LRP1B: variants seen among roughly 807,000 people sequenced by gnomAD.
The protein encoded by LRP1B is low-density lipoprotein receptor-related protein 1B.
A neutral mutation model predicts 556.6 loss-of-function variants in LRP1B; 217 were observed. The ratio of observed to expected loss-of-function variants is 0.39; its 90% CI spans 0.35 to 0.44. The LOEUF is 0.44. Among genes scored for constraint, LRP1B ranks in the 20% least tolerant of loss-of-function variants. The probability of loss-of-function intolerance (pLI) is 1.00; values close to 1 mark genes in which losing one functional copy is unlikely to be tolerated. For missense variants in LRP1B, 5,053 were observed against 5,620.8 expected (o/e 0.90, Z 3.23); for synonymous variants, 2,047 against 1,865.8 (o/e 1.10, Z -2.50).
intron 3 of LRP1B, among the ~76,000 whole-genome samples, chr2:141,463,631 AT>A (rs1462696076): frequency 0.035 from 3,975 of 112,718 alleles, 355 homozygotes; most frequent in African/African-American, 0.12. Context: ...ATTATATATT[AT>A]TATATATTAT....
chr2:140,851,782 A>T lies in LRP1B; in HGVS notation c.4581T>A (p.Ala1527=), dbSNP rs1692466034. 6.3e-7 allele frequency: 1 copy of T among 1,598,458 alleles called. No homozygotes were observed. Among genetic ancestry groups the T allele is most frequent in the Non-Finnish European group, 8.5e-7 (1 of 1,175,796 alleles). Reference sequence around the variant, plus strand: ...CATCATTAGCTGCACAAGGATTGGGAGCTGTAATTACACAGTGAAATATGA... The same window carrying T: ...CATCATTAGCTGCACAAGGATTGGGTGCTGTAATTACACAGTGAAATATGA... The part of the protein sequence containing the change: ...QIYHPSRQPQ[A]PNPCAANDGK... The change falls in exon 28 of 91, where the codon GCT becomes GCA. Residue 1527 remains alanine, a splice_region_variant and synonymous_variant. Coordinates refer to ENST00000389484, the MANE Select transcript of LRP1B (RefSeq NM_018557.3).
intron 3 of LRP1B, among the ~76,000 whole-genome samples, chr2:141,292,243 C>T (rs1686001322): frequency 6.6e-6 from 1 of 152,136 alleles, no homozygotes; most frequent in Admixed American, 6.5e-5. Context: ...TCCCCCATCC[C>T]GGTCTGTGGA....
At position 140,324,007 on chromosome 2, in the gene LRP1B, T is replaced by A. The variant is rs1194647193; in HGVS notation, c.12400A>T (p.Lys4134Ter). The A allele has an allele frequency of 6.2e-7, 1 of 1,610,250 alleles. No individual in the cohort carries two copies. The highest frequency in any genetic ancestry group is 8.5e-7 in the Non-Finnish European group (1 of 1,176,968). The change falls in exon 81 of 91, where the codon AAA becomes TAA. Residue 4134 changes from lysine (K) to a stop codon, truncating the protein, a stop_gained. Coordinates refer to ENST00000389484, the MANE Select transcript of LRP1B (RefSeq NM_018557.3). LOFTEE classifies it high-confidence loss of function. ...TTTTGAACTCGAAATACACCATTTTTAGGTCCTGCTCCATATATATAATCT... is the reference window on the plus strand; with the variant it reads ...TTTTGAACTCGAAATACACCATTTTAAGGTCCTGCTCCATATATATAATCT... ...FEDYIYGAGPKNGVFRVQKFG... is the reference protein window; with the variant it reads ...FEDYIYGAGP
chr2:141,083,760 A>G (rs1052914706), intron 7 of LRP1B, among the ~76,000 whole-genome samples: 1 of 152,074 alleles, frequency 6.6e-6, no homozygotes, highest in Non-Finnish European at 1.5e-5. Flanking sequence ...CAGCCCCCTT[A>G]CCATCTGATG....
chr2:141,582,569 T>C (rs985501297), intron 2 of LRP1B, among the ~76,000 whole-genome samples: 2 of 152,074 alleles, frequency 1.3e-5, no homozygotes, highest in Non-Finnish European at 2.9e-5. Context: ...TAGTTATATT[T>C]GTGTGGCTCT....
chr2:140,374,296 G>C (rs952421554), intron 68 of LRP1B, among the ~76,000 whole-genome samples: 1 of 152,116 alleles, frequency 6.6e-6, no homozygotes, highest in Admixed American at 6.6e-5. Context: ...TCCACAAAAA[G>C]TGTAACAATC....
chr2:141,163,975 G>A (rs1680144685), intron 7 of LRP1B, among the ~76,000 whole-genome samples: 1 of 151,880 alleles, frequency 6.6e-6, no homozygotes. Flanking sequence ...CTATTTCTGT[G>A]GGTAAATTAC....
rs754039987 is a variant in LRP1B, at chr2:141,164,242, A to AT, written c.1013+24178dup. Among the ~76,000 whole-genome samples, 252 of 151,576 alleles carry AT rather than the reference A, an allele frequency of 1.7e-3. 4 individuals are homozygous for AT. The highest frequency in any genetic ancestry group is 3.3e-3 in the East Asian group (17 of 5,134). The stretch of plus-strand genomic sequence containing the variant: ...CCGTAAGAACTAAGCGTTCTGTGGA[A>AT]TTTTTTTTTCTTAATTAGTGTCAGG... On this transcript the variant is annotated intron_variant, in intron 7 of 90. Transcript: ENST00000389484.
At chr2:141,897,507 A>T (rs1699488559) in intron 1 of LRP1B, among the ~76,000 whole-genome samples, 1 of 152,118 alleles carries the variant, frequency 6.6e-6, no homozygotes, top group Non-Finnish European at 1.5e-5. Context: ...ATATGAGTCT[A>T]AATGGAGGTA....
At chr2:141,116,311 TTGTAAC>T (rs1258595618) in intron 7 of LRP1B, among the ~76,000 whole-genome samples, 5 of 152,202 alleles carry the variant, frequency 3.3e-5, no homozygotes, top group African/African-American at 9.6e-5. Flanking sequence ...GAATTAAAAT[TTGTAAC>T]TGTATGTTCA....
intron 25 of LRP1B, among the ~76,000 whole-genome samples, chr2:140,871,233 T>C (rs1343402732): frequency 1.3e-5 from 2 of 152,164 alleles, no homozygotes; most frequent in South Asian, 2.1e-4. Context: ...AAAACTATTA[T>C]AGTACACATT....
chr2:140,935,598 C>T (rs558801552), intron 20 of LRP1B, among the ~76,000 whole-genome samples: 6 of 151,884 alleles, frequency 4.0e-5, no homozygotes, highest in South Asian at 4.2e-4. Context: ...AGGAAGGGAG[C>T]GAGAATATCT....
Position 140,867,775 on chromosome 2 carries a change from C to A in LRP1B, c.4394G>T (p.Gly1465Val), listed in dbSNP as rs2105154157. Reference protein sequence around the residue: ...DGTNMIEIIRGHEYLSHPFAV... With the variant: ...DGTNMIEIIRVHEYLSHPFAV... ...AAAGGGATGGGAAAGGTATTCATGA[C>A]CTCGGATGATTTCTATCATGTTTGT... is the stretch of plus-strand genomic sequence containing the variant. The change falls in exon 27 of 91, where the codon GGT becomes GTT. Residue 1465 changes from glycine (G) to valine (V), a missense_variant. Physicochemically the swap from Gly to Val is moderately radical, Grantham distance 109 (BLOSUM62 -3). This residue lies in a region of LRP1B where 3,619 missense variants were observed against 3,931.9 expected (regional missense o/e 0.92). Transcript: ENST00000389484. 6 of 1,606,708 alleles carry A rather than the reference C, an allele frequency of 3.7e-6. No individual in the cohort carries two copies. Among genetic ancestry groups the A allele is most frequent in the African/African-American group, 1.3e-5 (1 of 74,642 alleles).
chr2:141,622,483 G>A (rs1216792978), intron 2 of LRP1B, among the ~76,000 whole-genome samples: 2 of 152,042 alleles, frequency 1.3e-5, no homozygotes, highest in Non-Finnish European at 2.9e-5. Flanking sequence ...AGGTAGTATG[G>A]GTTTCTGCTA....
chr2:140,655,281 T>C (rs1684839114), intron 41 of LRP1B, among the ~76,000 whole-genome samples: 1 of 147,884 alleles, frequency 6.8e-6, no homozygotes, highest in Non-Finnish European at 1.5e-5. Context: ...ATTCTACATT[T>C]ATTAACCTTG....
intron 32 of LRP1B, among the ~76,000 whole-genome samples, chr2:140,786,866 T>C (rs540590610): frequency 1.3e-5 from 2 of 152,268 alleles, no homozygotes; most frequent in East Asian, 1.9e-4. Flanking sequence ...GCCAGCGAAC[T>C]AGTTTTGTGC....
At chr2:141,468,232 T>C (rs1258692794) in intron 3 of LRP1B, among the ~76,000 whole-genome samples, 1 of 152,152 alleles carries the variant, frequency 6.6e-6, no homozygotes, top group African/African-American at 2.4e-5. Flanking sequence ...AACCCTGACT[T>C]ACTGAAATGG....
chr2:140,324,900 T>G (rs2105061851), intron 80 of LRP1B, among the ~76,000 whole-genome samples: 1 of 146,060 alleles, frequency 6.8e-6, no homozygotes, highest in Non-Finnish European at 1.5e-5. Context: ...CTGAGGCCAT[T>G]GATTAAAAAA....
intron 1 of LRP1B, among the ~76,000 whole-genome samples, chr2:141,820,259 T>G (rs1038938170): frequency 6.6e-6 from 1 of 152,168 alleles, no homozygotes; most frequent in Non-Finnish European, 1.5e-5. Context: ...ATAATTCCTT[T>G]AGGGATATCA....
Sources: gnomAD v4.1 joint callset for allele counts (sites outside exome capture counted in the v4.1 genomes callset) on GRCh38, gnomAD v4.1.1 for gene constraint, gnomAD v4.1.1 regional missense constraint, MANE v1.5 for transcripts, NCBI Gene and HGNC (gene_info 2026-07-23, HGNC 2026-07-21) for gene names.